Variants in MTUS2 observed in about 807,000 individuals in gnomAD.
MTUS2 encodes the protein microtubule associated scaffold protein 2, also known as microtubule-associated tumor suppressor candidate 2.
A neutral mutation model predicts 114.1 loss-of-function variants in MTUS2; 40 were observed. The ratio of observed to expected loss-of-function variants is 0.35; its 90% CI spans 0.27 to 0.46. The LOEUF (loss-of-function observed/expected upper bound fraction) is 0.46. Among genes scored for constraint, MTUS2 ranks in the 20% least tolerant of loss-of-function variants. MTUS2 has a pLI of 1.00. For synonymous variants in MTUS2, 688 were observed against 672.0 expected (o/e 1.02, Z -0.37); for missense variants, 1,679 against 1,705.4 (o/e 0.98, Z 0.27).
chr13:28,920,642 G>A (rs2138050512), intron 2 of MTUS2, among the ~76,000 whole-genome samples: 1 of 152,316 alleles, frequency 6.6e-6, no homozygotes, highest in South Asian at 2.1e-4. Context: ...TTTCTTCAGG[G>A]TGGTGAGTTT....
intron 4 of MTUS2, among the ~76,000 whole-genome samples, chr13:29,056,172 T>G (rs1011027525): frequency 9.2e-5 from 14 of 152,044 alleles, no homozygotes; most frequent in African/African-American, 3.4e-4. Context: ...TATGTCCAGA[T>G]AGGCATTTCC....
At chr13:29,058,959 A>G (rs1403067137) in intron 4 of MTUS2, among the ~76,000 whole-genome samples, 1 of 151,832 alleles carries the variant, frequency 6.6e-6, no homozygotes, top group Admixed American at 6.6e-5. Flanking sequence ...TTTATTTCCT[A>G]TATTGATTTA....
At chr13:29,000,332 A>G (rs1885326377) in intron 2 of MTUS2, among the ~76,000 whole-genome samples, 1 of 152,086 alleles carries the variant, frequency 6.6e-6, no homozygotes, top group South Asian at 2.1e-4. Context: ...TTTGCTGCCC[A>G]TAGGATTCTT....
At chr13:29,228,768 C>T (rs948001242) in intron 5 of MTUS2, among the ~76,000 whole-genome samples, 7 of 152,072 alleles carry the variant, frequency 4.6e-5, no homozygotes, top group African/African-American at 1.7e-4. Flanking sequence ...AAGAAAACAT[C>T]CCTTTTATAT....
At chr13:29,247,500 C>G (rs2139418507) in intron 5 of MTUS2, among the ~76,000 whole-genome samples, 1 of 152,270 alleles carries the variant, frequency 6.6e-6, no homozygotes, top group East Asian at 1.9e-4. Flanking sequence ...TCTTTGCAAA[C>G]TATGCATCTG....
intron 5 of MTUS2, among the ~76,000 whole-genome samples, chr13:29,142,977 TAAC>T: frequency 6.6e-6 from 1 of 152,256 alleles, no homozygotes; most frequent in Middle Eastern, 3.4e-3. Flanking sequence ...GGTTATGAAA[TAAC>T]AAACAAAAAC....
At chr13:28,876,636 T>G (rs1045441156) in intron 2 of MTUS2, among the ~76,000 whole-genome samples, 1 of 152,196 alleles carries the variant, frequency 6.6e-6, no homozygotes, top group Non-Finnish European at 1.5e-5. Flanking sequence ...GTCTTTGGCC[T>G]AGGTTGGGCC....
At chr13:29,204,774 G>A (rs746261374) in intron 5 of MTUS2, among the ~76,000 whole-genome samples, 11 of 152,280 alleles carry the variant, frequency 7.2e-5, no homozygotes, top group South Asian at 2.1e-4. Flanking sequence ...GTCTGCAGCC[G>A]GGACCACGTG....
chr13:28,934,298 T>C (rs747602651), intron 2 of MTUS2, among the ~76,000 whole-genome samples: 3 of 152,196 alleles, frequency 2.0e-5, no homozygotes, highest in Non-Finnish European at 2.9e-5. Context: ...CTTCTTCTTC[T>C]TGTGTGTTTG....
intron 2 of MTUS2, among the ~76,000 whole-genome samples, chr13:28,847,729 G>C (rs191626266): frequency 5.3e-5 from 8 of 152,252 alleles, no homozygotes; most frequent in African/African-American, 1.7e-4. Context: ...CCATCTCCTG[G>C]CTGGTCTCAA....
At chr13:29,069,688 G>T (rs1476017284) in intron 4 of MTUS2, among the ~76,000 whole-genome samples, 2 of 152,192 alleles carry the variant, frequency 1.3e-5, no homozygotes, top group Non-Finnish European at 2.9e-5. Context: ...AAAAAGCAAG[G>T]AAAAGCAGCT....
intron 5 of MTUS2, among the ~76,000 whole-genome samples, chr13:29,164,070 A>C (rs1893213230): frequency 6.6e-6 from 1 of 152,162 alleles, no homozygotes; most frequent in Non-Finnish European, 1.5e-5. Flanking sequence ...GGTTCCCGAG[A>C]GAATAGAAGA....
At chr13:29,485,711 T>A (rs1350326009) in intron 10 of MTUS2, among the ~76,000 whole-genome samples, 1 of 152,244 alleles carries the variant, frequency 6.6e-6, no homozygotes, top group Non-Finnish European at 1.5e-5. Context: ...CATACATTGA[T>A]GCCACAAACA....
intron 2 of MTUS2, among the ~76,000 whole-genome samples, chr13:28,879,379 A>G (rs1878150084): frequency 6.6e-6 from 1 of 152,230 alleles, no homozygotes; most frequent in African/African-American, 2.4e-5. Context: ...TTATGAAACC[A>G]GTGGGAAGCA....
At chr13:29,157,984 A>G (rs1892934812) in intron 5 of MTUS2, among the ~76,000 whole-genome samples, 1 of 152,142 alleles carries the variant, frequency 6.6e-6, no homozygotes, top group African/African-American at 2.4e-5. Flanking sequence ...AGAAATATGG[A>G]AAATCAGGTG....
At chr13:29,168,373 G>T (rs3011451) in intron 5 of MTUS2, among the ~76,000 whole-genome samples, 148,489 of 152,292 alleles carry the variant, frequency 0.98, 72,435 homozygotes, top group Non-Finnish European at 1. Flanking sequence ...TAAATAATGT[G>T]AGGTGATGGC....
intron 5 of MTUS2, among the ~76,000 whole-genome samples, chr13:29,159,334 GTA>G (rs1892998894): frequency 6.6e-6 from 1 of 152,048 alleles, no homozygotes; most frequent in African/African-American, 2.4e-5. Flanking sequence ...CTAGGTGTGT[GTA>G]TACTATATAT....
chr13:29,041,881 T>C (rs553257774), intron 4 of MTUS2, among the ~76,000 whole-genome samples: 1 of 152,310 alleles, frequency 6.6e-6, no homozygotes, highest in South Asian at 2.1e-4. Flanking sequence ...GCTTTAGGGT[T>C]TTCTAGGTAC....
chr13:29,169,162 C>T (rs1893448835), intron 5 of MTUS2, among the ~76,000 whole-genome samples: 1 of 152,058 alleles, frequency 6.6e-6, no homozygotes. Context: ...TCATAAACTG[C>T]ATAGATGTTG....
Sources: allele counts gnomAD v4.1 joint callset (sites outside exome capture counted in the v4.1 genomes callset), GRCh38; gene constraint gnomAD v4.1.1; transcripts MANE v1.5; gene names NCBI Gene and HGNC (gene_info 2026-07-23, HGNC 2026-07-21).